The following HGS variants were observed in gnomAD, a reference collection of about 807,000 sequenced individuals.
HGS encodes the protein human growth factor-regulated tyrosine kinase substrate.
A neutral mutation model predicts 109.7 loss-of-function variants in HGS; 63 were observed. The ratio of observed to expected loss-of-function variants is 0.57; its 90% CI spans 0.47 to 0.71. The LOEUF (loss-of-function observed/expected upper bound fraction) is 0.71. Among genes scored for constraint, HGS ranks in the 30% least tolerant of loss-of-function variants. The pLI is 0.00. For missense variants in HGS, 995 were observed against 1,068.3 expected (o/e 0.93, Z 0.96); for synonymous variants, 546 against 437.3 (o/e 1.25, Z -3.10).
chr17:81,700,784 C>G lies in HGS; in HGVS notation c.2106C>G (p.Val702=). The part of the protein sequence containing the change: ...STMGYMGSQS[V]SMGYQPYNMQ... ...TGGGCTACATGGGGAGCCAGTCAGT[C>G]TCCATGGGCTACCAGCCTTACAACA... Residue 702 remains valine (V), a synonymous_variant, in exon 20 of 22, where the codon GTC becomes GTG. Coordinates refer to ENST00000329138, the MANE Select transcript of HGS (RefSeq NM_004712.5). 6.2e-7 allele frequency: 1 copy of G among 1,612,662 alleles called. No homozygotes were observed. Among genetic ancestry groups the G allele is most frequent in the Non-Finnish European group, 8.5e-7 (1 of 1,179,850 alleles).
At chr17:81,690,614 C>A in intron 6 of HGS, 60 bp from the exon 7 acceptor site, 1 of 1,532,270 alleles carries the variant, frequency 6.5e-7, no homozygotes, top group Non-Finnish European at 8.9e-7. Context: ...AGGGGAGGCT[C>A]TGTGCCTCTG....
chr17:81,689,903 C>A (rs1377354254), intron 5 of HGS, among the ~76,000 whole-genome samples: 1 of 152,206 alleles, frequency 6.6e-6, no homozygotes, highest in Non-Finnish European at 1.5e-5. Context: ...AGCCACTCAG[C>A]AGGCGGGGCC....
At chr17:81,699,597 T>C (rs2037203211) in intron 18 of HGS, among the ~76,000 whole-genome samples, 1 of 152,194 alleles carries the variant, frequency 6.6e-6, no homozygotes. Context: ...AGCTAGTTTT[T>C]GTATTTTTAT....
chr17:81,684,121 G>A lies in HGS; in HGVS notation c.37+18G>A, dbSNP rs1384216967. The stretch of plus-strand genomic sequence containing the variant: ...TCTCCTAGGTAACGCGTCCCCACCC[G>A]ACGGCTCGGCCTTGGTCAGCCCGCA... On this transcript the variant is annotated intron_variant, in intron 1 of 21. Coordinates refer to ENST00000329138, the MANE Select transcript of HGS (RefSeq NM_004712.5). 1 of 1,565,324 alleles carries A rather than the reference G, an allele frequency of 6.4e-7. No individual in the cohort carries two copies. The highest frequency in any genetic ancestry group is 1.4e-5 in the African/African-American group (1 of 73,434).
chr17:81,689,197 G>A (rs917902700), intron 5 of HGS, among the ~76,000 whole-genome samples: 3 of 152,344 alleles, frequency 2.0e-5, no homozygotes, highest in South Asian at 2.1e-4. Context: ...CAGAGCCGGC[G>A]TGAGCAGGCA....
Position 81,700,583 on chromosome 17 carries a change from C to G in HGS, c.1999C>G (p.Pro667Ala), listed in dbSNP as rs1313767995. ...CGCTTACTCATCCTACCAGCCTACT[C>G]CCACAGCGGGCTACCAGGTACACAG... ...SPAYSSYQPT[P>A]TAGYQNVASQ... Residue 667 changes from proline to alanine, a missense_variant, in exon 19 of 22, where the codon CCC becomes GCC. This residue lies in a region of HGS where 326 missense variants were observed against 309.7 expected (regional missense o/e 1.05). Coordinates refer to ENST00000329138, the MANE Select transcript of HGS (RefSeq NM_004712.5). The G allele has an allele frequency of 1.2e-6, 2 of 1,607,514 alleles. No individual in the cohort carries two copies. Among genetic ancestry groups the G allele is most frequent in the Non-Finnish European group, 1.7e-6 (2 of 1,176,544 alleles).
Position 81,684,113 on chromosome 17 carries a change from C to A in HGS, c.37+10C>A. The A allele has an allele frequency of 6.4e-7, 1 of 1,573,786 alleles. No individual in the cohort carries two copies. The highest frequency in any genetic ancestry group is 2.3e-5 in the East Asian group (1 of 42,722). ...TTCGAGCGTCTCCTAGGTAACGCGT[C>A]CCCACCCGACGGCTCGGCCTTGGTC... On this transcript the variant is annotated intron_variant, in intron 1 of 21. Transcript: ENST00000329138.
At position 81,700,820 on chromosome 17, in the gene HGS, G is replaced by A. The variant is rs760140030; in HGVS notation, c.2136+6G>A. The A allele has an allele frequency of 6.2e-7, 1 of 1,609,644 alleles. No individual in the cohort carries two copies. The highest frequency in any genetic ancestry group is 8.5e-7 in the Non-Finnish European group (1 of 1,177,848). The stretch of plus-strand genomic sequence containing the variant: ...ACCAGCCTTACAACATGCAGGTACA[G>A]TGACCTCCAGGCCCTGCTGGGGGCC... On this transcript the variant is annotated splice_donor_region_variant and intron_variant, in intron 20 of 21. Coordinates refer to ENST00000329138, the MANE Select transcript of HGS (RefSeq NM_004712.5).
intron 3 of HGS, 105 bp downstream of exon 3, chr17:81,686,492 A>G: frequency 2.6e-6 from 2 of 780,416 alleles, no homozygotes; most frequent in South Asian, 1.5e-5. Context: ...CTCCCTGGGC[A>G]TACATCAAGC....
chr17:81,688,948 G>A, intron 5 of HGS, 121 bp downstream of exon 5: 1 of 1,362,976 alleles, frequency 7.3e-7, no homozygotes, highest in South Asian at 1.3e-5. Context: ...GGAGGGAGGA[G>A]GGCGGTGGCC....
chr17:81,685,516 A>T, intron 1 of HGS, 89 bp from the exon 2 acceptor site: 1 of 769,212 alleles, frequency 1.3e-6, no homozygotes, highest in Non-Finnish European at 2.2e-6. Flanking sequence ...GGGGAAGGAG[A>T]GAGTCCCCCC....
In HGS at chr17:81,696,979, C is replaced by T. The variant is rs1452647169; in HGVS notation, c.1863C>T (p.Ser621=). ...CCCCTGCCGCTGGCCCCTACCCCAG[C>T]ATGCCCAGCACTGCGGCTGGTAAGG... ...QPAPAAGPYP[S]MPSTAADPSM... The change falls in exon 18 of 22, where the codon AGC becomes AGT. Residue 621 remains serine (S), a synonymous_variant. Coordinates refer to ENST00000329138, the MANE Select transcript of HGS (RefSeq NM_004712.5). 14 of 1,596,382 alleles carry T rather than the reference C, an allele frequency of 8.8e-6. No individual in the cohort carries two copies. The highest frequency in any genetic ancestry group is 1.2e-5 in the Non-Finnish European group (14 of 1,174,828).
At chr17:81,684,250 C>T (rs2036933010) in intron 1 of HGS, 147 bp downstream of exon 1, 2 of 712,764 alleles carry the variant, frequency 2.8e-6, no homozygotes, top group East Asian at 3.6e-5. Context: ...GGGTTCGGAG[C>T]CGCCGATCCT....
At chr17:81,693,408 C>T (rs536509767) in intron 8 of HGS, 95 bp from the exon 9 acceptor site, 1 of 880,750 alleles carries the variant, frequency 1.1e-6, no homozygotes, top group African/African-American at 1.6e-5. Flanking sequence ...TCTGTGGGGA[C>T]ACTTAGAGGA....
chr17:81,691,378 G>T lies in HGS; in HGVS notation c.538-69G>T. 6.2e-7 allele frequency: 1 copy of T among 1,601,640 alleles called. No individual in the cohort carries two copies. The highest frequency in any genetic ancestry group is 1.1e-5 in the South Asian group (1 of 90,372). On this transcript the variant is annotated intron_variant, in intron 7 of 21. Coordinates refer to ENST00000329138, the MANE Select transcript of HGS (RefSeq NM_004712.5). This position sits in a 1 kb window ranked among gnomAD's most constrained non-coding sequence, Gnocchi z 5.3. Reference sequence around the variant, plus strand: ...CCCAGCTTCGGCATCGTACGGGGTGGTTCTGGGCCGGGTGGCGCATCAGGG... The same window carrying T: ...CCCAGCTTCGGCATCGTACGGGGTGTTTCTGGGCCGGGTGGCGCATCAGGG...
Position 81,691,340 on chromosome 17 carries a change from C to G in HGS, c.538-107C>G. The G allele has an allele frequency of 7.1e-7, 1 of 1,414,762 alleles. No individual in the cohort carries two copies. The highest frequency in any genetic ancestry group is 9.8e-7 in the Non-Finnish European group (1 of 1,022,844). The allele number at this position is 1,414,762 out of a possible 1,614,324, so 87.6% of individuals were successfully genotyped here. On this transcript the variant is annotated intron_variant, in intron 7 of 21. Transcript: ENST00000329138. This position sits in a 1 kb window ranked among gnomAD's most constrained non-coding sequence, Gnocchi z 5.3. Reference sequence around the variant, plus strand: ...TTGTTCTGCTTGTCCCTTGCCTTCCCCCACCTGTGAGGCCCAGCTTCGGCA... The same window carrying G: ...TTGTTCTGCTTGTCCCTTGCCTTCCGCCACCTGTGAGGCCCAGCTTCGGCA...
At chr17:81,687,651 A>G (rs527493338) in intron 4 of HGS, among the ~76,000 whole-genome samples, 5 of 152,310 alleles carry the variant, frequency 3.3e-5, no homozygotes, top group South Asian at 4.1e-4. Flanking sequence ...TGCCGGGGAC[A>G]TCTGCAGGGA....
chr17:81,701,420 T>G lies in HGS; in HGVS notation c.2224-88T>G, dbSNP rs569017343. The G allele has an allele frequency of 3.1e-5, 42 of 1,359,558 alleles. 1 individual carries two copies. In the Middle Eastern group the frequency reaches 6.8e-4, roughly 22 times the overall value. 84.2% of individuals were successfully genotyped at this position (1,359,558 alleles called of 1,614,324 possible). A position where few individuals can be genotyped will look rare whatever the true frequency, so the allele number is the denominator to read the frequency against. ...CGTGGACATGGATTACAAGCACTTG[T>G]GGGTCTGTGGCTCTGCTGGGACAAA... On this transcript the variant is annotated intron_variant, in intron 21 of 21. Coordinates refer to ENST00000329138, the MANE Select transcript of HGS (RefSeq NM_004712.5).
At chr17:81,685,383 G>C (rs2036962583) in intron 1 of HGS, among the ~76,000 whole-genome samples, 1 of 152,220 alleles carries the variant, frequency 6.6e-6, no homozygotes, top group Admixed American at 6.5e-5. Context: ...GGGAGGGCTT[G>C]GACCAGCACC....
Sources: gnomAD v4.1 joint callset for allele counts (sites outside exome capture counted in the v4.1 genomes callset) on GRCh38, gnomAD v4.1.1 for gene constraint, gnomAD v4.1.1 regional missense constraint, Gnocchi (gnomAD v3.1) non-coding constraint, MANE v1.5 for transcripts, NCBI Gene and HGNC (gene_info 2026-07-23, HGNC 2026-07-21) for gene names.